NOS1AP: variants seen among roughly 807,000 people sequenced by gnomAD.
NOS1AP encodes nitric oxide synthase 1 adaptor protein, also known as carboxyl-terminal PDZ ligand of neuronal nitric oxide synthase protein.
Under a neutral mutation model 56.2 loss-of-function variants are expected in NOS1AP, and 21 were observed. The ratio of observed to expected loss-of-function variants is 0.37; its 90% confidence interval spans 0.26 to 0.54. The LOEUF is 0.54. Ranked by LOEUF, NOS1AP falls within the 20% of genes least tolerant of loss-of-function variation. NOS1AP has a pLI of 0.84. For synonymous variants in NOS1AP, 270 were observed against 274.6 expected, an observed-to-expected ratio of 0.98 and a Z score of 0.17; for missense variants, 522 against 657.8, an observed-to-expected ratio of 0.79 and a Z score of 2.26.
intron 2 of NOS1AP, among the ~76,000 whole-genome samples, chr1:162,228,279 C>T (rs1653009794): frequency 6.6e-6 from 1 of 152,146 alleles, no homozygotes; most frequent in Admixed American, 6.5e-5. Flanking sequence ...AATCCTTCCA[C>T]TGTGAATACC....
chr1:162,072,098 A>ATAGATAGATAGG (rs1691673129), intron 1 of NOS1AP, among the ~76,000 whole-genome samples: 1 of 152,008 alleles, frequency 6.6e-6, no homozygotes, highest in South Asian at 2.1e-4. Context: ...AGATAGATAG[A>ATAGATAGATAGG]TAGATAGATA....
chr1:162,093,748 T>C (rs942177417), intron 1 of NOS1AP, among the ~76,000 whole-genome samples: 1 of 152,056 alleles, frequency 6.6e-6, no homozygotes, highest in African/African-American at 2.4e-5. Context: ...AATCGAGGTC[T>C]CACTATATTG....
chr1:162,101,852 G>A (rs1048885979), intron 1 of NOS1AP, among the ~76,000 whole-genome samples: 3 of 152,158 alleles, frequency 2.0e-5, no homozygotes, highest in African/African-American at 4.8e-5. Context: ...TGAGATGATG[G>A]GGTTTTCTAG....
intron 2 of NOS1AP, among the ~76,000 whole-genome samples, chr1:162,228,563 T>C (rs1653016871): frequency 6.6e-6 from 1 of 152,158 alleles, no homozygotes; most frequent in Non-Finnish European, 1.5e-5. Context: ...AGGGGCCTGG[T>C]GAACCCCCTA....
chr1:162,282,692 T>C (rs1654968285), intron 2 of NOS1AP, among the ~76,000 whole-genome samples: 1 of 152,188 alleles, frequency 6.6e-6, no homozygotes, highest in Non-Finnish European at 1.5e-5. Context: ...CAGAATATGA[T>C]TGGAATGCCC....
At chr1:162,140,971 G>T (rs918161005) in intron 1 of NOS1AP, among the ~76,000 whole-genome samples, 6 of 152,004 alleles carry the variant, frequency 3.9e-5, no homozygotes, top group African/African-American at 1.4e-4. Context: ...CTTTGCCTAC[G>T]TTTTATTGGA....
chr1:162,149,903 G>A (rs1036013001), intron 1 of NOS1AP, among the ~76,000 whole-genome samples: 4 of 152,134 alleles, frequency 2.6e-5, no homozygotes, highest in Admixed American at 2.6e-4. Context: ...TTTGATACCG[G>A]CATGCAATGC....
At chr1:162,079,818 A>G (rs1238928679) in intron 1 of NOS1AP, among the ~76,000 whole-genome samples, 1 of 152,222 alleles carries the variant, frequency 6.6e-6, no homozygotes, top group Non-Finnish European at 1.5e-5. Context: ...GTCATGTATT[A>G]TCTTCATTAT....
Position 162,368,476 on chromosome 1 carries a change from A to T in NOS1AP, c.*1009A>T, listed in dbSNP as rs955498672. The T allele has an allele frequency of 6.6e-6, 1 of 152,138 alleles. No homozygotes were observed. The highest frequency in any genetic ancestry group is 2.4e-5 in the African/African-American group (1 of 41,400). 9.4% of individuals were successfully genotyped at this position (152,138 alleles called of 1,614,324 possible). A position where few individuals can be genotyped will look rare whatever the true frequency, so the allele number is the denominator to read the frequency against. On this transcript the variant is annotated 3_prime_UTR_variant, in exon 10 of 10. Coordinates refer to ENST00000361897, the MANE Select transcript of NOS1AP (RefSeq NM_014697.3). ...AGAAAAAAGAGAAAGAAAAAAAAGA[A>T]TGAATGCAAGCTGATAGCTGAGACT...
At chr1:162,354,890 C>T (rs1435331467) in intron 6 of NOS1AP, among the ~76,000 whole-genome samples, 3 of 152,262 alleles carry the variant, frequency 2.0e-5, no homozygotes, top group Non-Finnish European at 2.9e-5. Context: ...AGATGATCAG[C>T]ATCCCCTTCT....
intron 2 of NOS1AP, among the ~76,000 whole-genome samples, chr1:162,257,807 A>G (rs946495582): frequency 4.5e-4 from 68 of 152,050 alleles, no homozygotes; most frequent in African/African-American, 1.6e-3. Context: ...TCTGAGTACT[A>G]TGGGCCACAG....
chr1:162,286,539 C>CT (rs1655094020), intron 2 of NOS1AP, among the ~76,000 whole-genome samples: 1 of 152,170 alleles, frequency 6.6e-6, no homozygotes, highest in African/African-American at 2.4e-5. Flanking sequence ...TTATGAATAG[C>CT]TACACAAGTG....
intron 4 of NOS1AP, among the ~76,000 whole-genome samples, chr1:162,332,447 C>A (rs925668476): frequency 4.6e-5 from 7 of 152,110 alleles, no homozygotes; most frequent in African/African-American, 7.2e-5. Context: ...TGGGATAGTG[C>A]CTGGCCCACA....
intron 1 of NOS1AP, among the ~76,000 whole-genome samples, chr1:162,147,331 CAAAAA>C (rs572205161): frequency 1.3e-5 from 1 of 74,854 alleles, no homozygotes. Context: ...GACTCCGTCT[CAAAAA>C]AAAAAAAAAA....
In NOS1AP at chr1:162,355,334, G is replaced by A; in HGVS notation, c.743G>A (p.Gly248Asp). The change falls in exon 7 of 10, where the codon GGC becomes GAC. Residue 248 changes from glycine (G) to aspartate (D), a missense_variant. Around this residue, in one of 4 missense-constraint regions of NOS1AP, gnomAD observed 178 missense variants for 165.0 expected, o/e 1.08. Coordinates refer to ENST00000361897, the MANE Select transcript of NOS1AP (RefSeq NM_014697.3). ...TDLDAVGKEG[G>D]SHTGSKVSHP... ...CTAGATGCTGTAGGGAAGGAAGGAG[G>A]CTCTCACACAGGCTCCAAGGTAGGC... 1 of 1,614,142 alleles carries A rather than the reference G, an allele frequency of 6.2e-7. No individual in the cohort carries two copies. Among genetic ancestry groups the A allele is most frequent in the Middle Eastern group, 1.6e-4 (1 of 6,062 alleles).
chr1:162,149,050 G>A (rs1649596838), intron 1 of NOS1AP, among the ~76,000 whole-genome samples: 1 of 152,050 alleles, frequency 6.6e-6, no homozygotes, highest in Non-Finnish European at 1.5e-5. Flanking sequence ...GAGAAGGAGG[G>A]GAAAAAGGAT....
At chr1:162,136,979 C>T (rs569462555) in intron 1 of NOS1AP, among the ~76,000 whole-genome samples, 1 of 152,302 alleles carries the variant, frequency 6.6e-6, no homozygotes, top group African/African-American at 2.4e-5. Context: ...ATGAAAAGCA[C>T]CTCGGACTTG....
In NOS1AP at chr1:162,352,152, T is replaced by C. The variant is rs1024796842; in HGVS notation, c.596-3035T>C. 1.6e-4 allele frequency among the ~76,000 whole-genome samples: 25 copies of C among 152,102 alleles called. 1 individual carries two copies. Among genetic ancestry groups the C allele is most frequent in the African/African-American group, 1.7e-4 (7 of 41,408 alleles). On this transcript the variant is annotated intron_variant, in intron 6 of 9. Coordinates refer to ENST00000361897, the MANE Select transcript of NOS1AP (RefSeq NM_014697.3). The stretch of plus-strand genomic sequence containing the variant: ...TCAGCTGACTGCAACCTCCGCCTCC[T>C]GGGTTCACGCAATTCTCCTGTTTCA...
At chr1:162,334,512 T>C (rs1291314329) in intron 5 of NOS1AP, among the ~76,000 whole-genome samples, 1 of 152,176 alleles carries the variant, frequency 6.6e-6, no homozygotes, top group Non-Finnish European at 1.5e-5. Flanking sequence ...TGTGGCCTTG[T>C]GTAGGGGACC....
Sources: allele counts gnomAD v4.1 joint callset (sites outside exome capture counted in the v4.1 genomes callset), GRCh38; gene constraint gnomAD v4.1.1; regional missense constraint gnomAD v4.1.1; transcripts MANE v1.5; gene names NCBI Gene and HGNC (gene_info 2026-07-23, HGNC 2026-07-21).